ADGRL3: variants seen among roughly 807,000 people sequenced by gnomAD.
ADGRL3 encodes calcium-independent alpha-latrotoxin receptor 3.
A neutral mutation model predicts 153.5 loss-of-function variants in ADGRL3; 62 were observed. That is an observed-to-expected ratio of 0.40 (90% CI 0.33 to 0.50). The LOEUF (loss-of-function observed/expected upper bound fraction) is 0.50. ADGRL3 is among the 20% of genes least tolerant of loss of function. ADGRL3 has a pLI of 0.47. For missense variants in ADGRL3, 1,641 were observed against 1,859.4 expected, an observed-to-expected ratio of 0.88 and a Z score of 2.16; for synonymous variants, 710 against 672.5, an observed-to-expected ratio of 1.06 and a Z score of -0.86.
At chr4:61,277,418 C>G (rs557777355) in intron 1 of ADGRL3, among the ~76,000 whole-genome samples, 3 of 152,212 alleles carry the variant, frequency 2.0e-5, no homozygotes, top group Non-Finnish European at 2.9e-5. Flanking sequence ...CATATTAGTT[C>G]CATTCTCCCC....
chr4:61,466,524 C>A (rs2152649450), intron 2 of ADGRL3, among the ~76,000 whole-genome samples: 1 of 152,258 alleles, frequency 6.6e-6, no homozygotes, highest in South Asian at 2.1e-4. Context: ...ATGTATTTTA[C>A]ATTTCCTTAT....
intron 1 of ADGRL3, among the ~76,000 whole-genome samples, chr4:61,208,926 A>G (rs1446243936): frequency 6.6e-6 from 1 of 152,066 alleles, no homozygotes; most frequent in East Asian, 1.9e-4. Flanking sequence ...TCTGTTTGTG[A>G]GTGGTCGTAT....
chr4:61,755,561 C>T (rs1276131040), intron 8 of ADGRL3, among the ~76,000 whole-genome samples: 1 of 152,054 alleles, frequency 6.6e-6, no homozygotes, highest in African/African-American at 2.4e-5. Context: ...TTCTCCCGTT[C>T]TGTAGGTTGC....
In ADGRL3 at chr4:61,446,910, G is replaced by C. The variant is rs907897737; in HGVS notation, c.-173-50211G>C. Among the ~76,000 whole-genome samples, 3 of 152,082 alleles carry C rather than the reference G, an allele frequency of 2.0e-5. No homozygotes were observed. In the South Asian group the frequency reaches 6.2e-4, roughly 32 times the overall value. ...CCAAATTTCATGTAGTTCTCTGCTTGGGCAGCTTCCTCAGGATCCCTGAGT... is the reference window on the plus strand; with the variant it reads ...CCAAATTTCATGTAGTTCTCTGCTTCGGCAGCTTCCTCAGGATCCCTGAGT... On this transcript the variant is annotated intron_variant, in intron 2 of 26. Coordinates refer to ENST00000683033, the MANE Select transcript of ADGRL3 (RefSeq NM_001387552.1).
chr4:61,358,608 A>G (rs1397817546), intron 1 of ADGRL3, among the ~76,000 whole-genome samples: 1 of 150,900 alleles, frequency 6.6e-6, no homozygotes, highest in African/African-American at 2.4e-5. Context: ...AAAAAAAAAA[A>G]AAAAAAAAAG....
chr4:62,066,173 A>G (rs927701633), intron 25 of ADGRL3, among the ~76,000 whole-genome samples: 11 of 152,088 alleles, frequency 7.2e-5, no homozygotes, highest in Admixed American at 2.0e-4. Flanking sequence ...GGTGATTGTC[A>G]TATTGCTACT....
chr4:61,721,575 T>C (rs1160727354), intron 6 of ADGRL3, among the ~76,000 whole-genome samples: 2 of 152,154 alleles, frequency 1.3e-5, no homozygotes, highest in Non-Finnish European at 2.9e-5. Flanking sequence ...CTGACTCAAA[T>C]GTTCATCTCC....
intron 25 of ADGRL3, among the ~76,000 whole-genome samples, chr4:62,046,756 A>C (rs1731334469): frequency 6.6e-6 from 1 of 152,006 alleles, no homozygotes; most frequent in Non-Finnish European, 1.5e-5. Flanking sequence ...GCTAGAAGTC[A>C]TAGTGATCTT....
chr4:61,690,981 G>T (rs1219906387), intron 6 of ADGRL3, among the ~76,000 whole-genome samples: 2 of 152,058 alleles, frequency 1.3e-5, no homozygotes, highest in East Asian at 3.9e-4. Context: ...ATATTAAATG[G>T]GTTCAAATAC....
chr4:61,376,679 C>T (rs150025388), intron 1 of ADGRL3, among the ~76,000 whole-genome samples: 129 of 152,296 alleles, frequency 8.5e-4, no homozygotes, highest in African/African-American at 3.1e-3. Flanking sequence ...ATTTTACCAT[C>T]TTTTCTCCCT....
intron 1 of ADGRL3, among the ~76,000 whole-genome samples, chr4:61,359,654 T>C (rs1199786635): frequency 1.3e-5 from 2 of 152,194 alleles, no homozygotes; most frequent in Non-Finnish European, 2.9e-5. Context: ...TTGGTCATAC[T>C]ATGTAAAATT....
chr4:61,422,755 T>C (rs1190165116), intron 2 of ADGRL3, among the ~76,000 whole-genome samples: 2 of 151,848 alleles, frequency 1.3e-5, no homozygotes, highest in African/African-American at 2.4e-5. Context: ...CATAAAATAA[T>C]TAATTATGTG....
rs755036506 is a variant in ADGRL3, at chr4:61,892,818, T to A, written c.1643T>A (p.Met548Lys). ...CCAGCTGTCGAGGTACTTGATGACA[T>A]GACCACACACCTTCCATCAGCATCG... is the stretch of plus-strand genomic sequence containing the variant. ...PSPAVEVLDD[M>K]TTHLPSASSQ... Residue 548 changes from methionine to lysine, a missense_variant, in exon 10 of 27, where the codon ATG (methionine) becomes AAG (lysine). By Grantham distance (95) the Met-to-Lys change is moderately conservative. This residue lies in a region of ADGRL3 where 734 missense variants were observed against 797.0 expected (regional missense o/e 0.92). Transcript: ENST00000683033. The A allele has an allele frequency of 6.2e-7, 1 of 1,613,830 alleles. No individual in the cohort carries two copies. Among genetic ancestry groups the A allele is most frequent in the South Asian group, 1.1e-5 (1 of 91,076 alleles).
chr4:61,463,535 C>A (rs1198658996), intron 2 of ADGRL3, among the ~76,000 whole-genome samples: 1 of 152,124 alleles, frequency 6.6e-6, no homozygotes, highest in Non-Finnish European at 1.5e-5. Context: ...AGTCCCTCCC[C>A]CAACACTGAG....
intron 3 of ADGRL3, among the ~76,000 whole-genome samples, chr4:61,499,351 T>C (rs1261665102): frequency 1.3e-5 from 2 of 152,232 alleles, no homozygotes; most frequent in Non-Finnish European, 2.9e-5. Flanking sequence ...TTTCAAAATC[T>C]TTTCTTAATT....
At chr4:61,962,181 G>T (rs1307254391) in intron 17 of ADGRL3, among the ~76,000 whole-genome samples, 1 of 151,630 alleles carries the variant, frequency 6.6e-6, no homozygotes, top group Non-Finnish European at 1.5e-5. Flanking sequence ...AGAAGTTGCA[G>T]TGAGCCGAGA....
chr4:61,403,713 G>A (rs2096958514), intron 2 of ADGRL3, among the ~76,000 whole-genome samples: 1 of 152,030 alleles, frequency 6.6e-6, no homozygotes, highest in East Asian at 1.9e-4. Flanking sequence ...ATCTGGATTT[G>A]AAACGGGTGT....
intron 4 of ADGRL3, chr4:61,583,819 A>G: frequency 2.0e-6 from 1 of 498,970 alleles, no homozygotes; most frequent in Non-Finnish European, 4.0e-6. Context: ...CTTTGATATA[A>G]CAGATTACCT....
intron 1 of ADGRL3, among the ~76,000 whole-genome samples, chr4:61,343,542 C>A (rs992502352): frequency 6.6e-6 from 1 of 152,118 alleles, no homozygotes; most frequent in Non-Finnish European, 1.5e-5. Flanking sequence ...AGCTATATAA[C>A]CTGTGGCAAG....
Sources: gnomAD v4.1 joint callset for allele counts (sites outside exome capture counted in the v4.1 genomes callset) on GRCh38, gnomAD v4.1.1 for gene constraint, gnomAD v4.1.1 regional missense constraint, MANE v1.5 for transcripts, NCBI Gene and HGNC (gene_info 2026-07-23, HGNC 2026-07-21) for gene names.